Variants in RASSF5 observed in about 807,000 individuals in gnomAD.
The protein encoded by RASSF5 is Ras association domain family member 5.
In RASSF5, 25 loss-of-function variants were observed where a neutral mutation model predicts 40.5. The observed-to-expected ratio is 0.62, with a 90% CI of 0.45 to 0.86. The LOEUF (loss-of-function observed/expected upper bound fraction) is 0.86. Ranked by LOEUF, RASSF5 falls within the 40% of genes least tolerant of loss-of-function variation. RASSF5 has a pLI of 0.00. For synonymous variants in RASSF5, 246 were observed against 252.4 expected (o/e 0.97, Z 0.24); for missense variants, 521 against 572.8 (o/e 0.91, Z 0.92).
chr1:206,553,060 G>A (rs1313232853), intron 2 of RASSF5, among the ~76,000 whole-genome samples: 1 of 152,056 alleles, frequency 6.6e-6, no homozygotes, highest in African/African-American at 2.4e-5. Flanking sequence ...AAATTAGCCG[G>A]GTGTGGTGGC....
At chr1:206,520,369 G>A (rs1666872870) in intron 1 of RASSF5, among the ~76,000 whole-genome samples, 1 of 152,178 alleles carries the variant, frequency 6.6e-6, no homozygotes, top group Admixed American at 6.5e-5. Context: ...CACTTTGGGA[G>A]GCCAAGGCAG....
At chr1:206,583,197 G>A in intron 2 of RASSF5, 72 bp from the exon 3 acceptor site, 2 of 964,060 alleles carry the variant, frequency 2.1e-6, no homozygotes, top group Non-Finnish European at 3.4e-6. Flanking sequence ...AGGCTTTGGG[G>A]AGGGCGTGGT....
At chr1:206,529,506 A>C (rs1667182499) in intron 1 of RASSF5, 1 of 1,399,980 alleles carries the variant, frequency 7.1e-7, no homozygotes, top group African/African-American at 1.4e-5. Context: ...GACCTGCACC[A>C]CTGTCGCCTT....
rs140711016 is a variant in RASSF5 at position 206,582,104 on chromosome 1, C to T, written c.580-1165C>T. ...CTGGGTGGGTTCTGACCAACCAGTTCCCACACTCCCAGCCACTCAGGGACA... is the reference window on the plus strand; with the variant it reads ...CTGGGTGGGTTCTGACCAACCAGTTTCCACACTCCCAGCCACTCAGGGACA... On this transcript the variant is annotated intron_variant, in intron 2 of 5. Transcript: ENST00000579436. 3.3e-3 allele frequency among the ~76,000 whole-genome samples: 509 copies of T among 152,272 alleles called. 4 individuals carry two copies. The highest frequency in any genetic ancestry group is 0.012 in the African/African-American group (485 of 41,538).
At chr1:206,575,039 T>TG (rs71570016) in intron 2 of RASSF5, among the ~76,000 whole-genome samples, 71,612 of 151,274 alleles carry the variant, frequency 0.47, 17,647 homozygotes, top group Middle Eastern at 0.62. Context: ...TTTTTGTTTT[T>TG]TTTTTTAGAA....
intron 1 of RASSF5, among the ~76,000 whole-genome samples, chr1:206,523,311 A>C (rs1245880556): frequency 1.3e-4 from 18 of 138,278 alleles, no homozygotes; most frequent in Non-Finnish European, 2.7e-4. Context: ...CTCAAAAAAA[A>C]CCCCATATAT....
intron 1 of RASSF5, among the ~76,000 whole-genome samples, chr1:206,520,903 AGCC>A (rs1666888240): frequency 6.6e-6 from 1 of 152,186 alleles, no homozygotes; most frequent in African/African-American, 2.4e-5. Flanking sequence ...CATTGGGACA[AGCC>A]TGCAGCACGG....
At chr1:206,523,588 C>A (rs1666978981) in intron 1 of RASSF5, among the ~76,000 whole-genome samples, 1 of 87,756 alleles carries the variant, frequency 1.1e-5, no homozygotes, top group Non-Finnish European at 2.1e-5. Flanking sequence ...AAGACTCTGT[C>A]TTAAAACCAT....
chr1:206,512,865 G>A (rs187209154), intron 1 of RASSF5, among the ~76,000 whole-genome samples: 22 of 152,342 alleles, frequency 1.4e-4, no homozygotes, highest in Admixed American at 1.4e-3. Context: ...TCTCTGAAGA[G>A]CCCAAAGTGT....
chr1:206,544,792 C>T (rs1413831873), intron 2 of RASSF5: 1 of 152,262 alleles, frequency 6.6e-6, no homozygotes, highest in Non-Finnish European at 1.5e-5. Flanking sequence ...AGTGACTCCG[C>T]TGGCTTGGAG....
At chr1:206,518,520 C>T (rs540516837) in intron 1 of RASSF5, 37 of 398,604 alleles carry the variant, frequency 9.3e-5, no homozygotes, top group Admixed American at 2.2e-4. Context: ...GCAGAGGTTC[C>T]GCAACGGGGC....
At position 206,566,881 on chromosome 1, in the gene RASSF5, G is replaced by C. The variant is rs113994258; in HGVS notation, c.580-16388G>C. Among the ~76,000 whole-genome samples, 1,133 of 152,278 alleles carry C rather than the reference G, an allele frequency of 7.4e-3. 11 individuals are homozygous for C. Among genetic ancestry groups the C allele is most frequent in the Non-Finnish European group, 0.012 (816 of 68,030 alleles). ...AGCTTGTTCATCACTGTGTCCCCTG[G>C]CACGTGGTAAGTGCTTAATGTGGGT... On this transcript the variant is annotated intron_variant, in intron 2 of 5. Coordinates refer to ENST00000579436, the MANE Select transcript of RASSF5 (RefSeq NM_182663.4).
chr1:206,557,593 T>A, intron 2 of RASSF5: 1 of 1,614,220 alleles, frequency 6.2e-7, no homozygotes, highest in Non-Finnish European at 8.5e-7. Context: ...GACAGCAGCA[T>A]GAGCAGTGGG....
At chr1:206,530,323 A>C (rs1667204348) in intron 1 of RASSF5, among the ~76,000 whole-genome samples, 1 of 152,210 alleles carries the variant, frequency 6.6e-6, no homozygotes, top group African/African-American at 2.4e-5. Context: ...ACATATTTTC[A>C]TGTTGACCAA....
intron 1 of RASSF5, among the ~76,000 whole-genome samples, chr1:206,533,482 A>G (rs1444282929): frequency 2.6e-5 from 4 of 152,180 alleles, no homozygotes; most frequent in Non-Finnish European, 4.4e-5. Flanking sequence ...CAGGCTGAGC[A>G]TGGTGAATCA....
At position 206,507,845 on chromosome 1, in the gene RASSF5, C is replaced by T. The variant is rs1553394038; in HGVS notation, c.243C>T (p.Arg81=). 2 of 1,450,478 alleles carry T rather than the reference C, an allele frequency of 1.4e-6. No homozygotes were observed. The highest frequency in any genetic ancestry group is 1.8e-6 in the Non-Finnish European group (2 of 1,107,986). 89.9% of individuals were successfully genotyped at this position (1,450,478 alleles called of 1,614,324 possible). Residue 81 remains arginine (R), a synonymous_variant, in exon 1 of 6, where the codon CGC becomes CGT. Coordinates refer to ENST00000579436, the MANE Select transcript of RASSF5 (RefSeq NM_182663.4). ...CGCCCCGGGCCTCCCGACCCGCTCG[C>T]CCGCTCCGGCCTGGTCTGCAGCAGA... ...EPPPRASRPA[R]PLRPGLQQRL...
At chr1:206,585,409 G>T (rs1310382615) in intron 5 of RASSF5, 114 bp downstream of exon 5, 1 of 779,530 alleles carries the variant, frequency 1.3e-6, no homozygotes, top group Non-Finnish European at 2.3e-6. Context: ...GGGCAGGAAG[G>T]TGACTGTTGA....
At chr1:206,573,180 T>C (rs1027050988) in intron 2 of RASSF5, among the ~76,000 whole-genome samples, 1 of 152,154 alleles carries the variant, frequency 6.6e-6, no homozygotes, top group Non-Finnish European at 1.5e-5. Flanking sequence ...AAGAAATCAG[T>C]CTCCGTGTGG....
intron 5 of RASSF5, chr1:206,586,580 A>C (rs2103575071): frequency 2.5e-6 from 1 of 397,526 alleles, no homozygotes; most frequent in African/African-American, 2.1e-5. Context: ...TTGAGTTTCA[A>C]AATAAAAACA....
Sources: allele counts gnomAD v4.1 joint callset (sites outside exome capture counted in the v4.1 genomes callset), GRCh38; gene constraint gnomAD v4.1.1; transcripts MANE v1.5; gene names NCBI Gene and HGNC (gene_info 2026-07-23, HGNC 2026-07-21).